The following UBR3 variants were observed in gnomAD, a reference collection of about 807,000 sequenced individuals.
UBR3 encodes ubiquitin protein ligase E3 component n-recognin 3, also known as E3 ubiquitin-protein ligase UBR3.
A neutral mutation model predicts 243.2 loss-of-function variants in UBR3; 85 were observed. The ratio of observed to expected loss-of-function variants is 0.35; its 90% CI spans 0.29 to 0.42. The LOEUF (loss-of-function observed/expected upper bound fraction) is 0.42, where lower values mean the gene tolerates loss of function less well. UBR3 is among the 10% of genes least tolerant of loss of function. The pLI is 1.00. For missense variants in UBR3, 1,686 were observed against 2,300.8 expected, an observed-to-expected ratio of 0.73 and a Z score of 5.47; for synonymous variants, 748 against 799.8, an observed-to-expected ratio of 0.94 and a Z score of 1.09.
In UBR3 at chr2:169,838,385, ATTTGTGTG is replaced by A. The variant is rs1215805752; in HGVS notation, c.545+10335_545+10342del. Among the ~76,000 whole-genome samples the A allele has an allele frequency of 2.3e-3, 299 of 131,666 alleles. 4 individuals are homozygous for A. The highest frequency in any genetic ancestry group is 7.9e-3 in the African/African-American group (259 of 32,886). 86.4% of individuals were successfully genotyped at this position (131,666 alleles called of 152,430 possible). A position where few individuals can be genotyped will look rare whatever the true frequency, so the allele number is the denominator to read the frequency against. On this transcript the variant is annotated intron_variant, in intron 1 of 38. Coordinates refer to ENST00000272793, the MANE Select transcript of UBR3 (RefSeq NM_172070.4). ...AAGCTGGGAAGTCCAAGATTAAGGC[ATTTGTGTG>A]TGTGTGTGTGTGTGTGTGTGTGTGT...
rs749728754 is a variant in UBR3 at position 169,986,712 on chromosome 2, T to C, written c.3702T>C (p.Tyr1234=). Residue 1234 remains tyrosine, a synonymous_variant, in exon 25 of 39, where the codon TAT becomes TAC. Transcript: ENST00000272793. ...TAEPQVSEAV[Y]DCVICGQSGP... is the part of the protein sequence containing the mutation. ...AACCACAGGTTTCCGAGGCAGTATA[T>C]GACTGTGTTATTTGTGGACAGAGTG... The C allele has an allele frequency of 1.1e-4, 183 of 1,613,984 alleles. No individual in the cohort carries two copies. The highest frequency in any genetic ancestry group is 1.5e-4 in the Non-Finnish European group (173 of 1,180,002).
At chr2:170,003,703 C>T (rs867876835) in intron 27 of UBR3, among the ~76,000 whole-genome samples, 3 of 152,092 alleles carry the variant, frequency 2.0e-5, no homozygotes, top group Admixed American at 6.5e-5. Context: ...TGCAGTGGCG[C>T]GATCTCGGCT....
intron 5 of UBR3, among the ~76,000 whole-genome samples, chr2:169,884,087 C>T (rs538181758): frequency 2.0e-5 from 3 of 151,962 alleles, no homozygotes; most frequent in East Asian, 3.9e-4. Context: ...CCCACCTTGG[C>T]CTCCCAAAGT....
At chr2:170,073,789 A>G (rs2091750237) in intron 36 of UBR3, among the ~76,000 whole-genome samples, 182 bp downstream of exon 36, 1 of 152,226 alleles carries the variant, frequency 6.6e-6, no homozygotes, top group Non-Finnish European at 1.5e-5. Flanking sequence ...TTCAGCTAAC[A>G]AAGGTAAGGC....
At chr2:169,936,052 A>G (rs1227159608) in intron 19 of UBR3, among the ~76,000 whole-genome samples, 2 of 151,842 alleles carry the variant, frequency 1.3e-5, no homozygotes, top group Non-Finnish European at 2.9e-5. Context: ...CAATTTATTT[A>G]TTTTTTATTT....
chr2:169,859,436 T>C (rs1199155788), intron 1 of UBR3, among the ~76,000 whole-genome samples: 1 of 152,180 alleles, frequency 6.6e-6, no homozygotes. Context: ...TCTGCAATTT[T>C]AGTTTTTAAC....
intron 11 of UBR3, among the ~76,000 whole-genome samples, chr2:169,923,725 C>A (rs937245984): frequency 6.6e-6 from 1 of 152,048 alleles, no homozygotes; most frequent in Non-Finnish European, 1.5e-5. Flanking sequence ...ACAATTTCTG[C>A]CTTCAAGAAA....
rs778656293 is a variant in UBR3 at position 170,079,801 on chromosome 2, GATA to G, written c.5200-10_5200-8del. On this transcript the variant is annotated splice_polypyrimidine_tract_variant and intron_variant, in intron 36 of 38. Coordinates refer to ENST00000272793, the MANE Select transcript of UBR3 (RefSeq NM_172070.4). ...TACATAAAACTAATGAATATTTTTG[GATA>G]ATGTTTTAGGCCTTGCTTATCCAAG... is the stretch of plus-strand genomic sequence containing the variant. 3 of 1,596,352 alleles carry G rather than the reference GATA, an allele frequency of 1.9e-6. No individual in the cohort carries two copies. Among genetic ancestry groups the G allele is most frequent in the Non-Finnish European group, 8.5e-7 (1 of 1,172,974 alleles).
At chr2:169,933,443 T>G (rs1384663356) in intron 19 of UBR3, among the ~76,000 whole-genome samples, 1 of 152,220 alleles carries the variant, frequency 6.6e-6, no homozygotes, top group Non-Finnish European at 1.5e-5. Flanking sequence ...TAATTTTACT[T>G]GTAAATATTT....
intron 11 of UBR3, 62 bp from the exon 12 acceptor site, chr2:169,923,867 C>T: frequency 7.4e-7 from 1 of 1,358,726 alleles, no homozygotes. Context: ...AAACATTTTA[C>T]AACCATCTTA....
chr2:169,859,683 T>C (rs2083019060), intron 1 of UBR3, among the ~76,000 whole-genome samples: 1 of 148,186 alleles, frequency 6.7e-6, no homozygotes, highest in South Asian at 2.2e-4. Flanking sequence ...TGGTGTATTC[T>C]TCATTGCTGA....
intron 30 of UBR3, among the ~76,000 whole-genome samples, chr2:170,027,523 G>T (rs946818870): frequency 2.6e-5 from 4 of 151,668 alleles, no homozygotes; most frequent in Admixed American, 6.6e-5. Context: ...ATGCAAAACA[G>T]GTTAGTACAA....
At chr2:169,845,159 C>T (rs945734138) in intron 1 of UBR3, among the ~76,000 whole-genome samples, 1 of 152,030 alleles carries the variant, frequency 6.6e-6, no homozygotes. Flanking sequence ...GTGGTGGCTT[C>T]TGCCTGTAAT....
At chr2:169,831,127 A>ATATATATATATATATATATAT (rs1450878762) in intron 1 of UBR3, among the ~76,000 whole-genome samples, 1 of 56,464 alleles carries the variant, frequency 1.8e-5, no homozygotes. Flanking sequence ...ATATATATAT[A>ATATATATATATATATATATAT]TTTTTTTTTT....
intron 25 of UBR3, among the ~76,000 whole-genome samples, chr2:169,992,083 T>C (rs2089298595): frequency 6.6e-6 from 1 of 152,170 alleles, no homozygotes; most frequent in African/African-American, 2.4e-5. Context: ...TTATTGACTT[T>C]ACTACAGACC....
At chr2:169,851,451 T>G (rs934193088) in intron 1 of UBR3, among the ~76,000 whole-genome samples, 3 of 152,220 alleles carry the variant, frequency 2.0e-5, no homozygotes, top group Non-Finnish European at 4.4e-5. Flanking sequence ...CTCACCCAGA[T>G]GCTAATTTTC....
chr2:169,986,940 C>T (rs1232545871), intron 25 of UBR3, 146 bp downstream of exon 25: 1 of 822,168 alleles, frequency 1.2e-6, no homozygotes, highest in Non-Finnish European at 1.8e-6. Flanking sequence ...AACAAAGATT[C>T]TTTATCGGTT....
intron 14 of UBR3, 110 bp from the exon 15 acceptor site, chr2:169,926,582 C>CAAAAACA (rs140309188): frequency 2.6e-5 from 29 of 1,133,690 alleles, no homozygotes; most frequent in Middle Eastern, 3.0e-4. Context: ...GACTCTGTCT[C>CAAAAACA]AAAAACAAAA....
chr2:169,962,201 G>A (rs1452561081), intron 24 of UBR3, among the ~76,000 whole-genome samples: 1 of 151,806 alleles, frequency 6.6e-6, no homozygotes, highest in Non-Finnish European at 1.5e-5. Flanking sequence ...GAAACTTCCT[G>A]TCCCAGTTAA....
Sources: allele counts gnomAD v4.1 joint callset (sites outside exome capture counted in the v4.1 genomes callset), GRCh38; gene constraint gnomAD v4.1.1; transcripts MANE v1.5; gene names NCBI Gene and HGNC (gene_info 2026-07-23, HGNC 2026-07-21).